KANK1: variants seen among roughly 807,000 people sequenced by gnomAD.
KANK1 encodes KN motif and ankyrin repeat domain-containing protein 1.
KANK1 carries 109 observed loss-of-function variants against 106.2 expected under a neutral mutation model. The ratio of observed to expected loss-of-function variants is 1.03; its 90% CI spans 0.88 to 1.20. The LOEUF (loss-of-function observed/expected upper bound fraction) is 1.20, where lower values mean the gene tolerates loss of function less well. Among genes scored for constraint, KANK1 ranks in the 50% most tolerant of loss-of-function variants. KANK1 has a pLI of 0.00. For missense variants in KANK1, 2,399 were observed against 1,710.7 expected, an observed-to-expected ratio of 1.40 and a Z score of -7.10; for synonymous variants, 873 against 652.2, an observed-to-expected ratio of 1.34 and a Z score of -5.16.
intron 1 of KANK1, among the ~76,000 whole-genome samples, chr9:577,611 T>C (rs1208520089): frequency 6.6e-6 from 1 of 152,158 alleles, no homozygotes. Flanking sequence ...CCTTCAGACT[T>C]CTTTGTTTAA....
intron 11 of KANK1, chr9:744,942 C>T (rs964922664): frequency 2.1e-6 from 3 of 1,442,692 alleles, no homozygotes; most frequent in Non-Finnish European, 2.7e-6. Flanking sequence ...CTGTAGTCCA[C>T]AGTTCACTCT....
chr9:545,862 C>G (rs528716114), intron 1 of KANK1, among the ~76,000 whole-genome samples: 1 of 151,714 alleles, frequency 6.6e-6, no homozygotes, highest in Non-Finnish European at 1.5e-5. Context: ...TCTTCTGCCT[C>G]AGCCTCCCAA....
At chr9:512,261 A>G (rs1316368015) in intron 1 of KANK1, among the ~76,000 whole-genome samples, 1 of 142,272 alleles carries the variant, frequency 7.0e-6, no homozygotes, top group African/African-American at 2.9e-5. Context: ...ATGTATATAC[A>G]CACACACAAG....
intron 3 of KANK1, among the ~76,000 whole-genome samples, chr9:722,032 C>T (rs1350541746): frequency 6.6e-6 from 1 of 152,184 alleles, no homozygotes; most frequent in African/African-American, 2.4e-5. Flanking sequence ...TTTCCAAAAT[C>T]ATGACAGTAA....
At chr9:722,356 G>A (rs750043461) in intron 3 of KANK1, among the ~76,000 whole-genome samples, 4 of 150,780 alleles carry the variant, frequency 2.7e-5, no homozygotes, top group Non-Finnish European at 5.9e-5. Context: ...TGCCTCTCTT[G>A]CTCTCTCTCT....
At chr9:495,142 C>G (rs1333278829) in intron 3 of KANK1, 1 of 152,212 alleles carries the variant, frequency 6.6e-6, no homozygotes, top group East Asian at 1.9e-4. Flanking sequence ...AAGTAATTGC[C>G]TTGGCTCCAA....
At chr9:738,623 C>G in intron 8 of KANK1, 119 bp downstream of exon 8, 1 of 777,882 alleles carries the variant, frequency 1.3e-6, no homozygotes, top group Non-Finnish European at 2.1e-6. Flanking sequence ...CTTTTTATTG[C>G]TTTTCCACAT....
chr9:481,070 A>G (rs890802662), intron 3 of KANK1, among the ~76,000 whole-genome samples: 28 of 152,214 alleles, frequency 1.8e-4, no homozygotes, highest in African/African-American at 5.1e-4. Flanking sequence ...TGAGCCTACA[A>G]TTGGGCTACA....
At chr9:735,294 G>A (rs1173205504) in intron 7 of KANK1, among the ~76,000 whole-genome samples, 2 of 152,146 alleles carry the variant, frequency 1.3e-5, no homozygotes, top group Non-Finnish European at 1.5e-5. Flanking sequence ...CTCTGATGTG[G>A]AATGCAGGCG....
chr9:520,293 C>T (rs901837339), intron 1 of KANK1, among the ~76,000 whole-genome samples: 1 of 151,738 alleles, frequency 6.6e-6, no homozygotes, highest in African/African-American at 2.4e-5. Context: ...GAGCTGTGAT[C>T]ATACCACTGC....
chr9:558,996 T>A (rs1485475141), intron 1 of KANK1: 1 of 152,198 alleles, frequency 6.6e-6, no homozygotes, highest in African/African-American at 2.4e-5. Flanking sequence ...AGTCTTGGGG[T>A]TATAAATAAG....
intron 1 of KANK1, among the ~76,000 whole-genome samples, chr9:614,771 G>C (rs1173250008): frequency 6.6e-6 from 1 of 152,034 alleles, no homozygotes; most frequent in Non-Finnish European, 1.5e-5. Flanking sequence ...TGGATTTAGT[G>C]AACATGATCT....
At position 712,834 on chromosome 9, in the gene KANK1, A is replaced by T. The variant is rs1367573648; in HGVS notation, c.2068A>T (p.Thr690Ser). ...VHQFTNTETATLIESCTNTCL... is the reference protein window; with the variant it reads ...VHQFTNTETASLIESCTNTCL... ...CCAGTTCACCAACACCGAGACGGCC[A>T]CCCTCATAGAGTCCTGCACCAACAC... The change falls in exon 3 of 12, where the codon ACC becomes TCC. Residue 690 changes from threonine to serine, a missense_variant. By Grantham distance (58) the Thr-to-Ser change is moderately conservative (BLOSUM62 1). Coordinates refer to ENST00000382297, the MANE Select transcript of KANK1 (RefSeq NM_015158.5). 6 of 1,613,914 alleles carry T rather than the reference A, an allele frequency of 3.7e-6. No homozygotes were observed. Among genetic ancestry groups the T allele is most frequent in the Admixed American group, 1.7e-5 (1 of 59,992 alleles).
At chr9:493,554 C>CTTTTTT (rs34062799) in intron 3 of KANK1, among the ~76,000 whole-genome samples, 1 of 115,994 alleles carries the variant, frequency 8.6e-6, no homozygotes, top group South Asian at 2.9e-4. Context: ...GGGTAATTTG[C>CTTTTTT]TTTTTTTTTT....
At chr9:541,881 A>C (rs2060620886) in intron 1 of KANK1, among the ~76,000 whole-genome samples, 1 of 151,894 alleles carries the variant, frequency 6.6e-6, no homozygotes, top group African/African-American at 2.4e-5. Context: ...CGAGGTCAGG[A>C]GATCGAGACC....
At chr9:627,392 C>A (rs547919313) in intron 1 of KANK1, among the ~76,000 whole-genome samples, 22 of 145,732 alleles carry the variant, frequency 1.5e-4, no homozygotes, top group African/African-American at 5.9e-4. Flanking sequence ...CCCCTCCTAG[C>A]CACAGAGCTT....
At chr9:621,486 C>T (rs995452330) in intron 1 of KANK1, among the ~76,000 whole-genome samples, 10 of 152,068 alleles carry the variant, frequency 6.6e-5, no homozygotes, top group Non-Finnish European at 1.0e-4. Flanking sequence ...CCCATTACTG[C>T]GGGAAAAAAC....
chr9:640,931 T>C (rs1338712827), intron 1 of KANK1, among the ~76,000 whole-genome samples: 3 of 147,702 alleles, frequency 2.0e-5, no homozygotes, highest in Non-Finnish European at 4.5e-5. Context: ...CTCCTGACCT[T>C]GTTATCTGCC....
chr9:744,791 G>C (rs774860117), intron 11 of KANK1: 16 of 1,458,524 alleles, frequency 1.1e-5, no homozygotes, highest in Non-Finnish European at 1.4e-5. Flanking sequence ...GCTGGACCTT[G>C]CTTGTCCTTG....
Sources: gnomAD v4.1 joint callset for allele counts (sites outside exome capture counted in the v4.1 genomes callset) on GRCh38, gnomAD v4.1.1 for gene constraint, MANE v1.5 for transcripts, NCBI Gene and HGNC (gene_info 2026-07-23, HGNC 2026-07-21) for gene names.